CCDC171: variants seen among roughly 807,000 people sequenced by gnomAD.
The protein encoded by CCDC171 is coiled-coil domain containing 171, also known as coiled-coil domain-containing protein 171.
CCDC171 carries 177 observed loss-of-function variants against 168.2 expected under a neutral mutation model. The observed-to-expected ratio is 1.05, with a 90% CI of 0.93 to 1.19. The LOEUF (loss-of-function observed/expected upper bound fraction) is 1.19. Ranked by LOEUF, CCDC171 falls within the 50% of genes most tolerant of loss-of-function variation. The pLI is 0.00. For synonymous variants in CCDC171, 687 were observed against 540.8 expected (o/e 1.27, Z -3.75); for missense variants, 1,991 against 1,539.0 (o/e 1.29, Z -4.91).
intron 24 of CCDC171, among the ~76,000 whole-genome samples, chr9:15,908,905 G>T (rs539255274): frequency 6.6e-6 from 1 of 152,242 alleles, no homozygotes; most frequent in South Asian, 2.1e-4. Context: ...ACCAGGTCCC[G>T]CTTCCAGCAC....
intron 21 of CCDC171, among the ~76,000 whole-genome samples, chr9:15,802,539 A>G (rs926840009): frequency 6.6e-6 from 1 of 152,188 alleles, no homozygotes; most frequent in African/African-American, 2.4e-5. Flanking sequence ...TAGTTTGCTA[A>G]GGATAATGGT....
At chr9:16,106,915 C>T in the CCDC171 span, among the ~76,000 whole-genome samples, 16 of 152,262 alleles carry the variant, frequency 1.1e-4, no homozygotes, top group African/African-American at 3.6e-4. Context: ...ACCCTGGAGC[C>T]ACCCTCACTG....
At chr9:15,790,773 A>G (rs2058215903) in intron 21 of CCDC171, among the ~76,000 whole-genome samples, 1 of 152,148 alleles carries the variant, frequency 6.6e-6, no homozygotes, top group Non-Finnish European at 1.5e-5. Context: ...TAATTTTTGT[A>G]TAAGGTGTAA....
At chr9:15,670,344 C>T (rs1235719513) in intron 9 of CCDC171, among the ~76,000 whole-genome samples, 4 of 152,032 alleles carry the variant, frequency 2.6e-5, no homozygotes, top group Non-Finnish European at 5.9e-5. Context: ...CAGTTTTTAA[C>T]TAAAATCTTG....
At chr9:16,004,116 C>CA (rs1447519506) in intron 3 of CCDC171, among the ~76,000 whole-genome samples, 9 of 152,178 alleles carry the variant, frequency 5.9e-5, no homozygotes, top group Non-Finnish European at 1.3e-4. Context: ...ATGATGCAGT[C>CA]AGGCTATCTG....
intron 3 of CCDC171, among the ~76,000 whole-genome samples, chr9:15,984,464 A>G (rs9406572): frequency 2.4e-5 from 1 of 42,030 alleles, no homozygotes; most frequent in Non-Finnish European, 4.5e-5. Flanking sequence ...GTTTATATGT[A>G]TGTATATACA....
At chr9:15,819,837 G>C (rs2059697607) in intron 21 of CCDC171, among the ~76,000 whole-genome samples, 1 of 117,122 alleles carries the variant, frequency 8.5e-6, no homozygotes, top group Admixed American at 8.1e-5. Context: ...GCACGAAGAG[G>C]ACCTAATAGA....
At chr9:15,698,741 C>T (rs1433120091) in intron 11 of CCDC171, among the ~76,000 whole-genome samples, 1 of 151,848 alleles carries the variant, frequency 6.6e-6, no homozygotes, top group African/African-American at 2.4e-5. Context: ...TTTTTAGAGA[C>T]AGTGTGTTGC....
chr9:15,617,641 G>A (rs1312064060), intron 6 of CCDC171, among the ~76,000 whole-genome samples: 2 of 152,186 alleles, frequency 1.3e-5, no homozygotes, highest in Non-Finnish European at 2.9e-5. Flanking sequence ...CTCCAAAAGT[G>A]CTGGGATTAC....
At chr9:15,602,142 A>T (rs530820078) in intron 6 of CCDC171, among the ~76,000 whole-genome samples, 1 of 152,206 alleles carries the variant, frequency 6.6e-6, no homozygotes, top group Admixed American at 6.5e-5. Context: ...TCTGTTTCTC[A>T]ATTTCTTGTC....
At chr9:16,098,352 T>C in the CCDC171 span, among the ~76,000 whole-genome samples, 63 of 152,318 alleles carry the variant, frequency 4.1e-4, no homozygotes, top group Admixed American at 1.3e-3. Context: ...CCATCATTGT[T>C]GTCGTCGTCG....
chr9:15,623,508 T>C (rs113897834), intron 7 of CCDC171, 95 bp downstream of exon 7: 2,846 of 259,832 alleles, frequency 0.011, 36 homozygotes, highest in South Asian at 0.061. Flanking sequence ...CACACACACA[T>C]AAAACCCATT....
At chr9:15,928,922 T>C (rs2132110194) in intron 25 of CCDC171, among the ~76,000 whole-genome samples, 1 of 151,818 alleles carries the variant, frequency 6.6e-6, no homozygotes, top group East Asian at 1.9e-4. Context: ...ACCTTCTTTC[T>C]AGAATTTTGT....
At chr9:15,698,337 C>T (rs573019579) in intron 11 of CCDC171, among the ~76,000 whole-genome samples, 87 of 152,058 alleles carry the variant, frequency 5.7e-4, no homozygotes, top group Middle Eastern at 6.8e-3. Context: ...CTGGCTAACA[C>T]GGTGAAACAC....
chr9:15,666,451 G>A (rs1216197682), intron 9 of CCDC171, 128 bp downstream of exon 9: 1 of 609,070 alleles, frequency 1.6e-6, no homozygotes. Flanking sequence ...TGGGGCAAGT[G>A]ACTTCATAAA....
chr9:15,664,970 A>G (rs989954875), intron 8 of CCDC171, among the ~76,000 whole-genome samples: 5 of 152,112 alleles, frequency 3.3e-5, no homozygotes, highest in Admixed American at 6.6e-5. Context: ...GTATAGTTTT[A>G]AAATGTCTTT....
intron 18 of CCDC171, among the ~76,000 whole-genome samples, chr9:15,747,420 T>G (rs1208791256): frequency 1.3e-5 from 2 of 152,166 alleles, no homozygotes; most frequent in Non-Finnish European, 2.9e-5. Flanking sequence ...GACTGCATCC[T>G]CAAGTGGGTC....
chr9:15,630,412 A>T (rs1268525089), intron 7 of CCDC171, among the ~76,000 whole-genome samples: 3 of 152,198 alleles, frequency 2.0e-5, no homozygotes, highest in African/African-American at 7.2e-5. Context: ...ACCAACAAAG[A>T]TCAAAAGAGA....
chr9:15,973,005 G>A lies in CCDC171; in HGVS notation c.*1169G>A, dbSNP rs1831487794. ...TTGTGGCTTGACAAAGTGATGTTCT[G>A]TTGGGTATCGCTAGACAGACTGTTC... On this transcript the variant is annotated 3_prime_UTR_variant, in exon 26 of 26. Transcript: ENST00000380701. The A allele has an allele frequency of 6.6e-6, 1 of 152,148 alleles. No homozygotes were observed. Among genetic ancestry groups the A allele is most frequent in the African/African-American group, 2.4e-5 (1 of 41,436 alleles). 9.4% of individuals were successfully genotyped at this position (152,148 alleles called of 1,614,324 possible). A position where few individuals can be genotyped will look rare whatever the true frequency, so the allele number is the denominator to read the frequency against.
Sources: gnomAD v4.1 joint callset for allele counts (sites outside exome capture counted in the v4.1 genomes callset) on GRCh38, gnomAD v4.1.1 for gene constraint, MANE v1.5 for transcripts, NCBI Gene and HGNC (gene_info 2026-07-23, HGNC 2026-07-21) for gene names.